The following RCSD1 variants were observed in gnomAD, a reference collection of about 807,000 sequenced individuals.
RCSD1 encodes the protein capZ-interacting protein.
In RCSD1, 26 loss-of-function variants were observed where a neutral mutation model predicts 42.5. The ratio of observed to expected loss-of-function variants is 0.61; its 90% CI spans 0.45 to 0.85. The LOEUF is 0.85. RCSD1 is among the 40% of genes least tolerant of loss of function. The pLI is 0.00. For missense variants in RCSD1, 571 were observed against 528.3 expected, an observed-to-expected ratio of 1.08 and a Z score of -0.79; for synonymous variants, 220 against 212.2, an observed-to-expected ratio of 1.04 and a Z score of -0.32.
chr1:167,630,444 A>G lies in RCSD1; in HGVS notation c.6+15A>G. 6.5e-7 allele frequency: 1 copy of G among 1,538,996 alleles called. No homozygotes were observed. Among genetic ancestry groups the G allele is most frequent in the Non-Finnish European group, 8.8e-7 (1 of 1,140,778 alleles). On this transcript the variant is annotated intron_variant, in intron 1 of 6. Coordinates refer to ENST00000367854, the MANE Select transcript of RCSD1 (RefSeq NM_052862.4). ...AGGACATGGAGGTAAAGGACCCCGG[A>G]GGGAGACGCGGGGCTGAGCGGTGAG...
At chr1:167,696,962 G>A (rs995588460) in intron 5 of RCSD1, 137 bp from the exon 6 acceptor site, 12 of 731,504 alleles carry the variant, frequency 1.6e-5, no homozygotes, top group African/African-American at 7.1e-5. Context: ...ACAATGATTC[G>A]TTCTCCTGGA....
intron 1 of RCSD1, among the ~76,000 whole-genome samples, chr1:167,671,025 C>T (rs1179391121): frequency 6.6e-6 from 1 of 152,224 alleles, no homozygotes; most frequent in Non-Finnish European, 1.5e-5. Context: ...CTTATCTGCT[C>T]ATGGTCACCA....
At chr1:167,676,529 C>G (rs1312490546) in intron 1 of RCSD1, among the ~76,000 whole-genome samples, 1 of 152,232 alleles carries the variant, frequency 6.6e-6, no homozygotes, top group Non-Finnish European at 1.5e-5. Context: ...TTCCCACCCC[C>G]ACCAGACTCA....
intron 6 of RCSD1, 52 bp downstream of exon 6, chr1:167,697,894 T>A (rs1270941147): frequency 6.9e-7 from 1 of 1,440,408 alleles, no homozygotes; most frequent in South Asian, 1.5e-5. Context: ...GGCCAGTGTG[T>A]GCCTCTGTCA....
At chr1:167,648,275 T>C (rs1658214446) in intron 1 of RCSD1, among the ~76,000 whole-genome samples, 1 of 152,260 alleles carries the variant, frequency 6.6e-6, no homozygotes, top group African/African-American at 2.4e-5. Context: ...ACAAATAACA[T>C]AGCTATAAAC....
At chr1:167,683,588 G>A (rs936072959) in intron 1 of RCSD1, among the ~76,000 whole-genome samples, 7 of 152,144 alleles carry the variant, frequency 4.6e-5, no homozygotes, top group African/African-American at 1.7e-4. Flanking sequence ...GCCCTTTGCC[G>A]GTGGGGTCCT....
rs1571117587 is a variant in RCSD1, at chr1:167,708,678, A to G, written c.*3982A>G. Among the ~76,000 whole-genome samples the G allele has an allele frequency of 6.6e-6, 1 of 152,234 alleles. No homozygotes were observed. The highest frequency in any genetic ancestry group is 1.9e-4 in the East Asian group (1 of 5,200). On this transcript the variant is annotated 3_prime_UTR_variant, in exon 7 of 7. Transcript: ENST00000367854. ...CTCAGACATAGTAGGTATTCAATAA[A>G]TATTTGTTAAATCATGAATGACTGA...
chr1:167,634,520 T>C (rs16859347), intron 1 of RCSD1, among the ~76,000 whole-genome samples: 10,282 of 152,254 alleles, frequency 0.068, 477 homozygotes, highest in East Asian at 0.16. Context: ...AATGCTATTG[T>C]GGATAGGAAC....
At chr1:167,635,861 T>C (rs1053039775) in intron 1 of RCSD1, among the ~76,000 whole-genome samples, 5 of 152,236 alleles carry the variant, frequency 3.3e-5, no homozygotes, top group African/African-American at 1.2e-4. Flanking sequence ...GCCAACAGCT[T>C]GCAATTTTTC....
chr1:167,636,213 G>A (rs1403715388), intron 1 of RCSD1, among the ~76,000 whole-genome samples: 1 of 152,206 alleles, frequency 6.6e-6, no homozygotes, highest in Non-Finnish European at 1.5e-5. Flanking sequence ...TCCATGGGAA[G>A]GGCCTCCAGC....
chr1:167,701,252 G>GTTTGTTTGTTTGTTTCTTTC (rs1276194168), intron 6 of RCSD1, among the ~76,000 whole-genome samples: 3 of 96,074 alleles, frequency 3.1e-5, no homozygotes, highest in Admixed American at 2.3e-4. Context: ...CAATTGCCTA[G>GTTTGTTTGTTTGTTTCTTTC]TTTCTTTCTT....
At position 167,630,291 on chromosome 1, in the gene RCSD1, G is replaced by A; in HGVS notation, c.-133G>A. On this transcript the variant is annotated 5_prime_UTR_variant, in exon 1 of 7. Transcript: ENST00000367854. Reference sequence around the variant, plus strand: ...CGCAGCCGAGCGCAGCCGGGCGCGCGCCACCGCCCACTCGCCCTGTGCCCG... The same window carrying A: ...CGCAGCCGAGCGCAGCCGGGCGCGCACCACCGCCCACTCGCCCTGTGCCCG... 1 of 999,790 alleles carries A rather than the reference G, an allele frequency of 1.0e-6. No homozygotes were observed. The highest frequency in any genetic ancestry group is 1.3e-6 in the Non-Finnish European group (1 of 777,858). The allele number at this position is 999,790 out of a possible 1,614,324, so 61.9% of individuals were successfully genotyped here.
intron 2 of RCSD1, among the ~76,000 whole-genome samples, chr1:167,684,476 G>T (rs1227347790): frequency 6.6e-6 from 1 of 152,216 alleles, no homozygotes; most frequent in South Asian, 2.1e-4. Context: ...GGAAGGAAGA[G>T]CGTCCGGTGA....
intron 1 of RCSD1, among the ~76,000 whole-genome samples, chr1:167,674,168 T>C (rs1339444672): frequency 1.3e-5 from 2 of 152,232 alleles, no homozygotes; most frequent in African/African-American, 4.8e-5. Context: ...TGAACAGCCA[T>C]GGACTGAGTG....
intron 4 of RCSD1, among the ~76,000 whole-genome samples, chr1:167,691,717 T>C (rs542105527): frequency 2.7e-4 from 41 of 152,344 alleles, no homozygotes; most frequent in African/African-American, 9.6e-4. Context: ...AAGGCAAGCA[T>C]CTCTGGTTTC....
chr1:167,685,330 GA>G (rs1336975013), intron 2 of RCSD1, 90 bp from the exon 3 acceptor site: 11 of 994,288 alleles, frequency 1.1e-5, no homozygotes, highest in Non-Finnish European at 1.7e-5. Context: ...AAACCTTCCT[GA>G]AACCAGTTTC....
intron 1 of RCSD1, 134 bp downstream of exon 1, chr1:167,630,563 C>T: frequency 1.0e-6 from 1 of 990,342 alleles, no homozygotes; most frequent in East Asian, 3.3e-5. Context: ...GGGCAAATGC[C>T]TGCTGTTCCG....
chr1:167,705,461 T>C lies in RCSD1; in HGVS notation c.*765T>C, dbSNP rs1457586011. On this transcript the variant is annotated 3_prime_UTR_variant, in exon 7 of 7. Coordinates refer to ENST00000367854, the MANE Select transcript of RCSD1 (RefSeq NM_052862.4). The stretch of plus-strand genomic sequence containing the variant: ...CCCTTGAGAATGTGGAGAACTCCCA[T>C]GGAGAGGCAGAATGGCAGGAGGTTT... 6.6e-6 allele frequency: 1 copy of C among 152,126 alleles called. No individual in the cohort carries two copies. The allele number at this position is 152,126 out of a possible 1,614,324, so 9.4% of individuals were successfully genotyped here. A position where few individuals can be genotyped will look rare whatever the true frequency, so the allele number is the denominator to read the frequency against.
Position 167,697,660 on chromosome 1 carries a change from A to G in RCSD1, c.1036A>G (p.Lys346Glu), listed in dbSNP as rs147231680. Reference sequence around the variant, plus strand: ...GAAGCTGGAGGAGGGAGCTGCAGTGAAGGAGACCCCCCACAGTCCCCCTGG... The same window carrying G: ...GAAGCTGGAGGAGGGAGCTGCAGTGGAGGAGACCCCCCACAGTCCCCCTGG... ...TKKLEEGAAV[K>E]ETPHSPPGGV... Residue 346 changes from lysine (K) to glutamate (E), a missense_variant, in exon 6 of 7, where the codon AAG (lysine) becomes GAG (glutamate). By Grantham distance (56) the Lys-to-Glu change is moderately conservative (BLOSUM62 1). Transcript: ENST00000367854. 4 of 1,605,650 alleles carry G rather than the reference A, an allele frequency of 2.5e-6. No homozygotes were observed. In the African/African-American group the frequency reaches 5.4e-5, roughly 21 times the overall value.
Sources: allele counts gnomAD v4.1 joint callset (sites outside exome capture counted in the v4.1 genomes callset), GRCh38; gene constraint gnomAD v4.1.1; transcripts MANE v1.5; gene names NCBI Gene and HGNC (gene_info 2026-07-23, HGNC 2026-07-21).